LAMP5: variants seen among roughly 807,000 people sequenced by gnomAD.
The protein encoded by LAMP5 is lysosome associated membrane protein 5.
A neutral mutation model predicts 30.2 loss-of-function variants in LAMP5; 36 were observed. The observed-to-expected ratio is 1.19, with a 90% CI of 0.91 to 1.57. LAMP5 has a LOEUF of 1.57. Ranked by LOEUF, LAMP5 falls within the 40% of genes most tolerant of loss-of-function variation. The probability of loss-of-function intolerance (pLI) is 0.00; values close to 1 mark genes in which losing one functional copy is unlikely to be tolerated. For missense variants in LAMP5, 377 were observed against 354.9 expected (o/e 1.06, Z -0.50); for synonymous variants, 149 against 134.6 (o/e 1.11, Z -0.74).
chr20:9,522,765 A>G (rs1354761338), intron 5 of LAMP5, among the ~76,000 whole-genome samples: 1 of 152,080 alleles, frequency 6.6e-6, no homozygotes, highest in Admixed American at 6.6e-5. Flanking sequence ...ACCTGTTGGG[A>G]TATATGGGAC....
rs937588050 is a variant in LAMP5, at chr20:9,518,280, A to T, written c.664+52A>T. ...GAAGACCTAGTTTATTTCAGGAAGG[A>T]TGAGAGAGGGACCTACCAGGGCCCC... On this transcript the variant is annotated intron_variant, in intron 5 of 5. Transcript: ENST00000246070. The T allele has an allele frequency of 6.5e-6, 10 of 1,549,878 alleles. No individual in the cohort carries two copies. In the African/African-American group the frequency reaches 8.1e-5, roughly 13 times the overall value.
At chr20:9,528,432 A>G (rs1002255750) in intron 5 of LAMP5, among the ~76,000 whole-genome samples, 4 of 152,132 alleles carry the variant, frequency 2.6e-5, no homozygotes, top group Non-Finnish European at 4.4e-5. Flanking sequence ...GAGTAGGGTG[A>G]CTATAGTTAA....
chr20:9,524,417 A>G (rs1040606130), intron 5 of LAMP5, among the ~76,000 whole-genome samples: 1 of 151,960 alleles, frequency 6.6e-6, no homozygotes, highest in African/African-American at 2.4e-5. Context: ...TTGTTTGTCA[A>G]ACTTCTGCTT....
intron 5 of LAMP5, among the ~76,000 whole-genome samples, chr20:9,526,860 GTA>G (rs201564418): frequency 0.14 from 10,953 of 79,228 alleles, 480 homozygotes; most frequent in Non-Finnish European, 0.17. Context: ...GTGTGTGTGT[GTA>G]TATATATATA....
At chr20:9,517,910 A>C in intron 4 of LAMP5, 130 bp from the exon 5 acceptor site, 1 of 709,428 alleles carries the variant, frequency 1.4e-6, no homozygotes, top group South Asian at 2.0e-5. Flanking sequence ...GTAGAGCCCT[A>C]GCCCTGGCAA....
At position 9,526,858 on chromosome 20, in the gene LAMP5, GTGTATATATATATA is replaced by G. The variant is rs1232753004; in HGVS notation, c.665-2782_665-2769del. 4.8e-3 allele frequency among the ~76,000 whole-genome samples: 432 copies of G among 90,644 alleles called. 4 individuals carry two copies. The highest frequency in any genetic ancestry group is 0.014 in the African/African-American group (343 of 25,274). The allele number at this position is 90,644 out of a possible 152,430, so 59.5% of individuals were successfully genotyped here. A position where few individuals can be genotyped will look rare whatever the true frequency, so the allele number is the denominator to read the frequency against. ...TAGATACATATACATATGTGTGTGT[GTGTATATATATATA>G]TATATATATATATATATATATATAT... On this transcript the variant is annotated intron_variant, in intron 5 of 5. Coordinates refer to ENST00000246070, the MANE Select transcript of LAMP5 (RefSeq NM_012261.4).
chr20:9,530,001 C>G lies in LAMP5; in HGVS notation c.*181C>G. Reference sequence around the variant, plus strand: ...AACCCACGGAAGGGGGAGACTCTTTCGGATTTGTAGGGTGAAATGGCAATT... The same window carrying G: ...AACCCACGGAAGGGGGAGACTCTTTGGGATTTGTAGGGTGAAATGGCAATT... On this transcript the variant is annotated 3_prime_UTR_variant, in exon 6 of 6. Transcript: ENST00000246070. 1.8e-6 allele frequency: 1 copy of G among 542,874 alleles called. No homozygotes were observed. Among genetic ancestry groups the G allele is most frequent in the Non-Finnish European group, 3.2e-6 (1 of 315,726 alleles). 33.6% of individuals were successfully genotyped at this position (542,874 alleles called of 1,614,324 possible).
intron 5 of LAMP5, among the ~76,000 whole-genome samples, chr20:9,523,956 C>A (rs1160812813): frequency 6.6e-6 from 1 of 152,202 alleles, no homozygotes; most frequent in Admixed American, 6.5e-5. Flanking sequence ...TTTTCACTAA[C>A]TTCTGATTAA....
intron 5 of LAMP5, among the ~76,000 whole-genome samples, chr20:9,521,742 A>C (rs1289852760): frequency 6.6e-6 from 1 of 152,194 alleles, no homozygotes; most frequent in South Asian, 2.1e-4. Context: ...TGAGATGGGA[A>C]TGGGGATGTG....
At chr20:9,515,145 G>T (rs985795959) in intron 1 of LAMP5, 1 of 592,060 alleles carries the variant, frequency 1.7e-6, no homozygotes, top group Non-Finnish European at 3.0e-6. Context: ...GCCTAGACAG[G>T]CCAGCTTCGT....
At chr20:9,525,387 T>G (rs1463892997) in intron 5 of LAMP5, among the ~76,000 whole-genome samples, 1 of 152,176 alleles carries the variant, frequency 6.6e-6, no homozygotes, top group African/African-American at 2.4e-5. Flanking sequence ...AGTATGACGT[T>G]GGATACTCAC....
chr20:9,514,687 A>T lies in LAMP5; in HGVS notation c.-166A>T, dbSNP rs2045020687. On this transcript the variant is annotated 5_prime_UTR_variant, in exon 1 of 6. Transcript: ENST00000246070. ...CCAGCAGCTGTCGGTGCCGCGCTCG[A>T]CACCGAGTCCTAGCTAGGCGCTCAC... The T allele has an allele frequency of 7.1e-6, 4 of 566,208 alleles. No individual in the cohort carries two copies. The South Asian group carries it at 7.9e-5, about 11-fold the overall frequency. The allele number at this position is 566,208 out of a possible 1,614,324, so 35.1% of individuals were successfully genotyped here.
At chr20:9,516,209 C>T (rs1035914112) in intron 3 of LAMP5, 47 bp from the exon 4 acceptor site, 1 of 1,610,882 alleles carries the variant, frequency 6.2e-7, no homozygotes. Flanking sequence ...GGTTTAAGAA[C>T]CCAGACGCTG....
Position 9,514,861 on chromosome 20 carries a change from C to T in LAMP5, c.9C>T (p.Leu3=), listed in dbSNP as rs755966762. The T allele has an allele frequency of 8.1e-6, 13 of 1,614,038 alleles. No homozygotes were observed. The Admixed American group carries it at 1.7e-4, about 21-fold the overall frequency. MD[L]QGRGVPSIDR... is the part of the protein sequence containing the mutation. Reference sequence around the variant, plus strand: ...TTCGGGGCACTGCGAGTATGGATCTCCAAGGAAGAGGGGTCCCCAGCATCG... The same window carrying T: ...TTCGGGGCACTGCGAGTATGGATCTTCAAGGAAGAGGGGTCCCCAGCATCG... Residue 3 remains leucine, a synonymous_variant, in exon 1 of 6, where the codon CTC becomes CTT. Coordinates refer to ENST00000246070, the MANE Select transcript of LAMP5 (RefSeq NM_012261.4).
At chr20:9,522,965 C>G (rs73899121) in intron 5 of LAMP5, among the ~76,000 whole-genome samples, 6,483 of 140,520 alleles carry the variant, frequency 0.046, 511 homozygotes, top group African/African-American at 0.17. Context: ...TTCTCTAATA[C>G]TTAAATCTTT....
intron 5 of LAMP5, among the ~76,000 whole-genome samples, chr20:9,528,698 A>C (rs1380508208): frequency 1.3e-5 from 2 of 152,048 alleles, no homozygotes; most frequent in Non-Finnish European, 2.9e-5. Context: ...CAACCATGTA[A>C]ACATCTCCTA....
intron 5 of LAMP5, among the ~76,000 whole-genome samples, chr20:9,519,295 C>T (rs757327815): frequency 2.2e-4 from 34 of 152,126 alleles, no homozygotes; most frequent in Non-Finnish European, 4.4e-4. Flanking sequence ...TACAACAATG[C>T]CAATGTTCAG....
At chr20:9,523,788 C>T (rs942597520) in intron 5 of LAMP5, among the ~76,000 whole-genome samples, 18 of 152,064 alleles carry the variant, frequency 1.2e-4, no homozygotes, top group African/African-American at 3.4e-4. Flanking sequence ...AGATGTAGTC[C>T]GGGCTAAGCC....
chr20:9,524,595 T>TAAAAAAA (rs748114210), intron 5 of LAMP5, among the ~76,000 whole-genome samples: 123 of 82,048 alleles, frequency 1.5e-3, no homozygotes, highest in East Asian at 6.5e-3. Context: ...CAGATCGAAC[T>TAAAAAAA]AAAAAAAAAA....
Sources: allele counts gnomAD v4.1 joint callset (sites outside exome capture counted in the v4.1 genomes callset), GRCh38; gene constraint gnomAD v4.1.1; transcripts MANE v1.5; gene names NCBI Gene and HGNC (gene_info 2026-07-23, HGNC 2026-07-21).